The following RALGPS1 variants were observed in gnomAD, a reference collection of about 807,000 sequenced individuals.
RALGPS1 encodes the protein Ral GEF with PH domain and SH3 binding motif 1.
RALGPS1 carries 19 observed loss-of-function variants against 78.8 expected under a neutral mutation model. The observed-to-expected ratio is 0.24, with a 90% CI of 0.17 to 0.35. The LOEUF (loss-of-function observed/expected upper bound fraction) is 0.35, where lower values mean the gene tolerates loss of function less well. Ranked by LOEUF, RALGPS1 falls within the 10% of genes least tolerant of loss-of-function variation. The pLI is 1.00. For synonymous variants in RALGPS1, 228 were observed against 256.3 expected (o/e 0.89, Z 1.06); for missense variants, 454 against 688.3 (o/e 0.66, Z 3.81).
intron 4 of RALGPS1, among the ~76,000 whole-genome samples, chr9:126,993,276 T>A (rs922541983): frequency 1.3e-5 from 2 of 152,236 alleles, no homozygotes; most frequent in African/African-American, 4.8e-5. Flanking sequence ...TGGATTTGAT[T>A]TGTTAAAATT....
Position 127,219,244 on chromosome 9 carries a change from G to A in RALGPS1, c.*475G>A, listed in dbSNP as rs984892577. ...TGTACAACCCCGAAGCGTCCTCTGC[G>A]TGTGCGTGCTGTACGTGTGTGTGTG... On this transcript the variant is annotated 3_prime_UTR_variant, in exon 19 of 19. Transcript: ENST00000259351. This position sits in a 1 kb window ranked among gnomAD's most constrained non-coding sequence, Gnocchi z 5.0. 14 of 217,636 alleles carry A rather than the reference G, an allele frequency of 6.4e-5. No homozygotes were observed. Among genetic ancestry groups the A allele is most frequent in the South Asian group, 1.5e-4 (2 of 13,072 alleles). The allele number at this position is 217,636 out of a possible 1,614,324, so 13.5% of individuals were successfully genotyped here.
At chr9:126,970,725 G>T (rs2040027715) in intron 3 of RALGPS1, among the ~76,000 whole-genome samples, 1 of 152,166 alleles carries the variant, frequency 6.6e-6, no homozygotes, top group Non-Finnish European at 1.5e-5. Flanking sequence ...TGTGAAGTTA[G>T]AAAAGGTACT....
intron 8 of RALGPS1, among the ~76,000 whole-genome samples, chr9:127,137,431 C>T (rs916803502): frequency 6.6e-6 from 1 of 152,238 alleles, no homozygotes; most frequent in African/African-American, 2.4e-5. Context: ...GGCTGAGTGA[C>T]TGGGGGGAAG....
chr9:127,155,907 T>G (rs1211662732), intron 8 of RALGPS1, among the ~76,000 whole-genome samples: 1 of 152,170 alleles, frequency 6.6e-6, no homozygotes, highest in Admixed American at 6.5e-5. Flanking sequence ...GCTTTTTTTT[T>G]TTTTACTTCT....
chr9:127,212,675 C>T lies in RALGPS1; in HGVS notation c.1402C>T (p.Leu468=). 1.9e-6 allele frequency: 3 copies of T among 1,613,774 alleles called. No individual in the cohort carries two copies. The highest frequency in any genetic ancestry group is 2.5e-6 in the Non-Finnish European group (3 of 1,179,800). Residue 468 remains leucine (L), a synonymous_variant, in exon 16 of 19, where the codon CTG becomes TTG. Coordinates refer to ENST00000259351, the MANE Select transcript of RALGPS1 (RefSeq NM_014636.3). The surrounding 1 kb of genome is among the most constrained non-coding windows in gnomAD (Gnocchi z 6.0). ...GGTCATACTCTCAGGATCCACCCTC[C>T]TGTACTACGGAGCCAAGTCCTTGCG... ...YWVILSGSTL[L]YYGAKSLRGT...
At chr9:127,109,061 C>T (rs1009636176) in intron 8 of RALGPS1, among the ~76,000 whole-genome samples, 4 of 152,132 alleles carry the variant, frequency 2.6e-5, no homozygotes, top group East Asian at 1.9e-4. Context: ...CTCCAATGCC[C>T]GCAGCCCCCT....
At chr9:127,203,101 A>G (rs2061732138) in intron 14 of RALGPS1, among the ~76,000 whole-genome samples, 1 of 152,216 alleles carries the variant, frequency 6.6e-6, no homozygotes, top group African/African-American at 2.4e-5. Flanking sequence ...TGAAAACAAG[A>G]ATATCAGCCT....
At chr9:126,952,648 A>AGT (rs1370007469) in intron 1 of RALGPS1, among the ~76,000 whole-genome samples, 2 of 75,420 alleles carry the variant, frequency 2.7e-5, no homozygotes, top group Non-Finnish European at 7.9e-5. Context: ...AGAGAGAGAG[A>AGT]GAGAGAGAGT....
chr9:127,033,350 T>G (rs745891507), intron 4 of RALGPS1, among the ~76,000 whole-genome samples: 2 of 152,162 alleles, frequency 1.3e-5, no homozygotes, highest in Non-Finnish European at 1.5e-5. Context: ...CTAAGGTCTG[T>G]TTGACAGGCG....
chr9:127,069,232 T>G lies in RALGPS1; in HGVS notation c.486T>G (p.Leu162=). The change falls in exon 8 of 19, where the codon CTT becomes CTG. Residue 162 remains leucine (L), a splice_region_variant and synonymous_variant. Transcript: ENST00000259351. ...PIFRLTKTWA[L]LNRKDKTTFE... ...GCTATATTTTCTTCTCATTCTAGCTTTTAAATCGAAAAGACAAGACTACCT... is the reference window on the plus strand; with the variant it reads ...GCTATATTTTCTTCTCATTCTAGCTGTTAAATCGAAAAGACAAGACTACCT... 1.2e-6 allele frequency: 2 copies of G among 1,605,058 alleles called. No individual in the cohort carries two copies. Among genetic ancestry groups the G allele is most frequent in the Non-Finnish European group, 1.7e-6 (2 of 1,172,824 alleles).
intron 8 of RALGPS1, among the ~76,000 whole-genome samples, chr9:127,080,413 T>G (rs2051065761): frequency 6.6e-6 from 1 of 152,246 alleles, no homozygotes; most frequent in Admixed American, 6.5e-5. Context: ...TTCTCCCACT[T>G]TCCAGAGGCA....
intron 1 of RALGPS1, among the ~76,000 whole-genome samples, chr9:126,938,016 T>C (rs1487986624): frequency 6.6e-6 from 1 of 152,150 alleles, no homozygotes; most frequent in East Asian, 1.9e-4. Flanking sequence ...TGTTCAACTT[T>C]TGGGGAACAT....
intron 1 of RALGPS1, among the ~76,000 whole-genome samples, chr9:126,926,393 T>TA (rs1335670490): frequency 2.6e-5 from 4 of 152,198 alleles, no homozygotes; most frequent in Admixed American, 2.0e-4. Context: ...CACAGGCTCT[T>TA]AAAGATTTTC....
At chr9:126,943,585 A>G (rs766937971) in intron 1 of RALGPS1, among the ~76,000 whole-genome samples, 63 of 152,054 alleles carry the variant, frequency 4.1e-4, no homozygotes, top group Non-Finnish European at 6.8e-4. Flanking sequence ...GGCACCTCCA[A>G]CCCACACCAT....
At chr9:127,018,647 G>GATAATAATAATA (rs34742580) in intron 4 of RALGPS1, among the ~76,000 whole-genome samples, 91 of 147,050 alleles carry the variant, frequency 6.2e-4, no homozygotes, top group Middle Eastern at 3.6e-3. Context: ...TAATAATGAT[G>GATAATAATAATA]ATAATAATAA....
chr9:127,134,009 C>CCT (rs1554839724), intron 8 of RALGPS1, among the ~76,000 whole-genome samples: 1 of 151,674 alleles, frequency 6.6e-6, no homozygotes, highest in Non-Finnish European at 1.5e-5. Context: ...TCCTCGCTCC[C>CCT]CCCCCCGTGA....
intron 8 of RALGPS1, among the ~76,000 whole-genome samples, chr9:127,142,518 A>G (rs2138719060): frequency 6.6e-6 from 1 of 152,254 alleles, no homozygotes; most frequent in Middle Eastern, 3.4e-3. Flanking sequence ...GCAGAGAAGC[A>G]CCATGGAGTG....
rs536347308 is a variant in RALGPS1 at position 127,029,686 on chromosome 9, C to T, written c.217-4745C>T. Reference sequence around the variant, plus strand: ...CACACGTGGAAGGGCCATGTGCTGACGCCAGCTTCCTGTGGCCCGATGGCC... The same window carrying T: ...CACACGTGGAAGGGCCATGTGCTGATGCCAGCTTCCTGTGGCCCGATGGCC... On this transcript the variant is annotated intron_variant, in intron 4 of 18. Transcript: ENST00000259351. Among the ~76,000 whole-genome samples, 24 of 152,352 alleles carry T rather than the reference C, an allele frequency of 1.6e-4. No individual in the cohort carries two copies. In the East Asian group the frequency reaches 2.7e-3, roughly 17 times the overall value.
chr9:127,192,861 G>C (rs1220714804), intron 11 of RALGPS1, among the ~76,000 whole-genome samples: 2 of 152,186 alleles, frequency 1.3e-5, no homozygotes, highest in East Asian at 3.9e-4. Flanking sequence ...GTGGCATAGT[G>C]CCTGCCAAGG....
Sources: allele counts gnomAD v4.1 joint callset (sites outside exome capture counted in the v4.1 genomes callset), GRCh38; gene constraint gnomAD v4.1.1; non-coding constraint Gnocchi (gnomAD v3.1); transcripts MANE v1.5; gene names NCBI Gene and HGNC (gene_info 2026-07-23, HGNC 2026-07-21).